The following NRG3 variants were observed in gnomAD, a reference collection of about 807,000 sequenced individuals.
The protein encoded by NRG3 is neuregulin 3, also known as pro-neuregulin-3, membrane-bound isoform.
NRG3 carries 31 observed loss-of-function variants against 66.9 expected under a neutral mutation model. The ratio of observed to expected loss-of-function variants is 0.46; its 90% CI spans 0.35 to 0.63. The LOEUF is 0.63. Ranked by LOEUF, NRG3 falls within the 20% of genes least tolerant of loss-of-function variation. The pLI is 0.00. For synonymous variants in NRG3, 393 were observed against 359.4 expected (o/e 1.09, Z -1.06); for missense variants, 910 against 878.9 (o/e 1.04, Z -0.45).
intron 1 of NRG3, among the ~76,000 whole-genome samples, chr10:82,290,665 C>T (rs1157281346): frequency 2.0e-5 from 3 of 150,048 alleles, no homozygotes; most frequent in African/African-American, 7.4e-5. Context: ...GATGGAGTCT[C>T]TCTCTGTCAC....
intron 3 of NRG3, among the ~76,000 whole-genome samples, chr10:82,804,043 C>A (rs1030840336): frequency 6.6e-6 from 1 of 152,174 alleles, no homozygotes; most frequent in Non-Finnish European, 1.5e-5. Flanking sequence ...CCCAGCCCAC[C>A]AGTCACTTAG....
chr10:82,380,474 T>A (rs2085540769), intron 2 of NRG3, among the ~76,000 whole-genome samples: 2 of 152,132 alleles, frequency 1.3e-5, no homozygotes, highest in Admixed American at 1.3e-4. Context: ...GAAGGAGTGA[T>A]TAGCAATGTC....
intron 3 of NRG3, among the ~76,000 whole-genome samples, chr10:82,752,769 G>A (rs997350955): frequency 6.6e-6 from 1 of 152,154 alleles, no homozygotes; most frequent in African/African-American, 2.4e-5. Context: ...CTTCCACCAT[G>A]TGAGGACACA....
chr10:82,818,936 C>T (rs1363097934), intron 3 of NRG3, among the ~76,000 whole-genome samples: 2 of 152,096 alleles, frequency 1.3e-5, no homozygotes, highest in Non-Finnish European at 2.9e-5. Flanking sequence ...GTGTTATTGA[C>T]CTGCTGTATC....
intron 4 of NRG3, among the ~76,000 whole-genome samples, chr10:82,897,138 TA>T (rs1323310982): frequency 3.3e-5 from 5 of 152,192 alleles, no homozygotes; most frequent in Admixed American, 3.3e-4. Context: ...AAAATGTAAC[TA>T]AATGTACAAT....
chr10:82,844,809 A>G (rs1399659245), intron 3 of NRG3, among the ~76,000 whole-genome samples: 1 of 152,180 alleles, frequency 6.6e-6, no homozygotes, highest in Non-Finnish European at 1.5e-5. Context: ...GTATTAAAAA[A>G]AAAGTCTTTG....
chr10:82,521,820 T>C (rs1846216952), intron 2 of NRG3, among the ~76,000 whole-genome samples: 1 of 152,168 alleles, frequency 6.6e-6, no homozygotes, highest in Non-Finnish European at 1.5e-5. Context: ...ACTAAGTTTA[T>C]GGAATATCCT....
chr10:82,969,345 T>A (rs1476602621), intron 6 of NRG3, among the ~76,000 whole-genome samples: 1 of 152,242 alleles, frequency 6.6e-6, no homozygotes. Context: ...CAGGATATCA[T>A]CGCACTTTAA....
intron 2 of NRG3, among the ~76,000 whole-genome samples, chr10:82,419,542 C>T (rs547604747): frequency 6.1e-4 from 92 of 151,998 alleles, no homozygotes; most frequent in African/African-American, 2.0e-3. Flanking sequence ...TTTTTTCTCC[C>T]GCCCAAAAAG....
At position 82,601,920 on chromosome 10, in the gene NRG3, C is replaced by CTA. The variant is rs530349451; in HGVS notation, c.954-136646_954-136645dup. Reference sequence around the variant, plus strand: ...TATATATAACTATATATATATAAAACTATATATATATAGTTAACTAGGCTT... The same window carrying CTA: ...TATATATAACTATATATATATAAAACTATATATATATATAGTTAACTAGGCTT... On this transcript the variant is annotated intron_variant, in intron 2 of 8. Transcript: ENST00000372141. Among the ~76,000 whole-genome samples, 614 of 143,042 alleles carry CTA rather than the reference C, an allele frequency of 4.3e-3. 8 individuals carry two copies. The highest frequency in any genetic ancestry group is 0.015 in the African/African-American group (574 of 39,124). 93.8% of individuals were successfully genotyped at this position (143,042 alleles called of 152,430 possible). A position where few individuals can be genotyped will look rare whatever the true frequency, so the allele number is the denominator to read the frequency against.
chr10:82,222,751 A>G (rs2076000378), intron 1 of NRG3, among the ~76,000 whole-genome samples: 1 of 152,062 alleles, frequency 6.6e-6, no homozygotes, highest in Non-Finnish European at 1.5e-5. Flanking sequence ...TTTCTTCTGA[A>G]TTCTAGGTAG....
intron 2 of NRG3, among the ~76,000 whole-genome samples, chr10:82,587,642 C>T (rs2046750499): frequency 6.6e-6 from 1 of 152,158 alleles, no homozygotes; most frequent in South Asian, 2.1e-4. Flanking sequence ...ATGAATGGAA[C>T]AACTAGCTTC....
intron 1 of NRG3, among the ~76,000 whole-genome samples, chr10:82,071,491 G>T (rs114615408): frequency 6.6e-6 from 1 of 152,146 alleles, no homozygotes; most frequent in South Asian, 2.1e-4. Context: ...GAGGAAGGGC[G>T]CAATGGAAGC....
At chr10:82,689,521 A>C (rs1160895541) in intron 2 of NRG3, among the ~76,000 whole-genome samples, 1 of 152,228 alleles carries the variant, frequency 6.6e-6, no homozygotes, top group East Asian at 1.9e-4. Context: ...AAAGCCTACT[A>C]CTAAAGCCCC....
rs114615408 is a variant in NRG3, at chr10:82,071,491, G to A, written c.823+195328G>A. Among the ~76,000 whole-genome samples, 817 of 152,262 alleles carry A rather than the reference G, an allele frequency of 5.4e-3. 6 individuals are homozygous for A. Among genetic ancestry groups the A allele is most frequent in the African/African-American group, 0.019 (769 of 41,566 alleles). ...AGGGCATCCCAGGCAGAGGAAGGGCGCAATGGAAGCCTTGAGGGGAGAGCA... is the reference window on the plus strand; with the variant it reads ...AGGGCATCCCAGGCAGAGGAAGGGCACAATGGAAGCCTTGAGGGGAGAGCA... On this transcript the variant is annotated intron_variant, in intron 1 of 8. Transcript: ENST00000372141.
intron 1 of NRG3, among the ~76,000 whole-genome samples, chr10:81,918,087 G>T (rs1261222915): frequency 2.0e-5 from 3 of 152,152 alleles, no homozygotes; most frequent in African/African-American, 4.8e-5. Flanking sequence ...AACAGAAATA[G>T]TTTTTTCATG....
At chr10:82,919,414 T>C (rs1235012932) in intron 4 of NRG3, among the ~76,000 whole-genome samples, 1 of 152,042 alleles carries the variant, frequency 6.6e-6, no homozygotes, top group Non-Finnish European at 1.5e-5. Context: ...TAGAGTGAAA[T>C]AAGCAACCAG....
chr10:82,464,601 C>T (rs1316620342), intron 2 of NRG3, among the ~76,000 whole-genome samples: 7 of 152,158 alleles, frequency 4.6e-5, no homozygotes, highest in Non-Finnish European at 1.5e-5. Flanking sequence ...AAGACCGCAG[C>T]CAGCAGCACC....
chr10:82,138,667 G>A (rs552719333), intron 1 of NRG3, among the ~76,000 whole-genome samples: 36 of 152,264 alleles, frequency 2.4e-4, no homozygotes, highest in Admixed American at 9.2e-4. Flanking sequence ...GTGAATCAGC[G>A]CGAGTACCAA....
Sources: gnomAD v4.1 joint callset for allele counts (sites outside exome capture counted in the v4.1 genomes callset) on GRCh38, gnomAD v4.1.1 for gene constraint, MANE v1.5 for transcripts, NCBI Gene and HGNC (gene_info 2026-07-23, HGNC 2026-07-21) for gene names.